SNAPC3: variants seen among roughly 807,000 people sequenced by gnomAD.
SNAPC3 encodes snRNA-activating protein complex subunit 3.
In SNAPC3, 56 loss-of-function variants were observed where a neutral mutation model predicts 47.7. The ratio of observed to expected loss-of-function variants is 1.18; its 90% CI spans 0.95 to 1.47. SNAPC3 has a LOEUF of 1.47. SNAPC3 is among the 40% of genes most tolerant of loss of function. SNAPC3 has a pLI of 0.00. For missense variants in SNAPC3, 665 were observed against 511.3 expected, an observed-to-expected ratio of 1.30 and a Z score of -2.90; for synonymous variants, 235 against 189.9, an observed-to-expected ratio of 1.24 and a Z score of -1.95.
chr9:15,465,702 G>T, downstream of SNAPC3: 3 of 728,660 alleles, frequency 4.1e-6, no homozygotes, highest in African/African-American at 1.8e-5. Flanking sequence ...CCAAACAAAA[G>T]AAAAACTTGA....
intron 2 of SNAPC3, among the ~76,000 whole-genome samples, chr9:15,425,674 C>A (rs758427431): frequency 1.6e-4 from 24 of 152,196 alleles, no homozygotes; most frequent in Non-Finnish European, 1.0e-4. Context: ...GTGTATTGTT[C>A]TCAAGCCTAC....
rs1312727111 is a variant in SNAPC3, at chr9:15,454,929, A to G, written c.980+1724A>G. Among the ~76,000 whole-genome samples the G allele has an allele frequency of 4.6e-5, 7 of 152,178 alleles. No individual in the cohort carries two copies. The East Asian group carries it at 1.3e-3, about 29-fold the overall frequency. Reference sequence around the variant, plus strand: ...AGCTTGGGTGACAGAGCAAGACTCCATATCAAAAAATAAATAAATAAGAAA... The same window carrying G: ...AGCTTGGGTGACAGAGCAAGACTCCGTATCAAAAAATAAATAAATAAGAAA... On this transcript the variant is annotated intron_variant, in intron 7 of 8. Transcript: ENST00000380821.
chr9:15,430,931 T>A (rs1217095389), intron 2 of SNAPC3, among the ~76,000 whole-genome samples: 4 of 152,186 alleles, frequency 2.6e-5, no homozygotes, highest in Non-Finnish European at 5.9e-5. Flanking sequence ...TCTTCAAATT[T>A]ACCTCTTTTT....
chr9:15,435,076 G>A (rs569517562), intron 3 of SNAPC3, among the ~76,000 whole-genome samples: 117 of 152,192 alleles, frequency 7.7e-4, no homozygotes, highest in African/African-American at 2.6e-3. Context: ...GTGAACATGT[G>A]TTTTCTAGCT....
intron 5 of SNAPC3, among the ~76,000 whole-genome samples, chr9:15,449,561 A>T (rs1369086957): frequency 0.019 from 831 of 43,170 alleles, 24 homozygotes; most frequent in South Asian, 0.026. Flanking sequence ...ATATATATAT[A>T]TATTTTTTTT....
At chr9:15,455,177 A>G (rs933810893) in intron 7 of SNAPC3, among the ~76,000 whole-genome samples, 28 of 152,154 alleles carry the variant, frequency 1.8e-4, no homozygotes, top group African/African-American at 6.5e-4. Context: ...AGGGAAGAAG[A>G]ATGGGGAGGC....
chr9:15,426,899 A>G (rs1014134018), intron 2 of SNAPC3, among the ~76,000 whole-genome samples: 45 of 152,228 alleles, frequency 3.0e-4, no homozygotes, highest in Non-Finnish European at 2.1e-4. Flanking sequence ...ATACATGACC[A>G]TTGTTAACCT....
intron 7 of SNAPC3, among the ~76,000 whole-genome samples, chr9:15,454,936 AAAAT>A (rs752856762): frequency 9.2e-5 from 14 of 152,254 alleles, no homozygotes; most frequent in South Asian, 6.2e-4. Context: ...TCCATATCAA[AAAAT>A]AAATAAATAA....
rs2034945194 is a variant in SNAPC3 at position 15,458,195 on chromosome 9, G to T, written c.1088+128G>T. 6 of 531,954 alleles carry T rather than the reference G, an allele frequency of 1.1e-5. No individual in the cohort carries two copies. In the South Asian group the frequency reaches 1.7e-4, roughly 15 times the overall value. The allele number at this position is 531,954 out of a possible 1,614,324, so 33.0% of individuals were successfully genotyped here. A position where few individuals can be genotyped will look rare whatever the true frequency, so the allele number is the denominator to read the frequency against. ...TAAATATGAAGTATCATCTAGTAGG[G>T]AAGTGCCAGAAAATCAATTTAGTGA... On this transcript the variant is annotated intron_variant, in intron 8 of 8. Transcript: ENST00000380821.
At chr9:15,441,317 G>T (rs1033192000) in intron 3 of SNAPC3, among the ~76,000 whole-genome samples, 2 of 141,064 alleles carry the variant, frequency 1.4e-5, no homozygotes, top group African/African-American at 5.3e-5. Context: ...AGAGACCTCC[G>T]TATTGTTTTC....
rs186584741 is a variant in SNAPC3, at chr9:15,456,575, G to C, written c.981-1385G>C. Reference sequence around the variant, plus strand: ...CTCAACCTCCTGGGCTGAAGTAGTCGTCTTCCCTCAGTCTTTCCCATAGCT... The same window carrying C: ...CTCAACCTCCTGGGCTGAAGTAGTCCTCTTCCCTCAGTCTTTCCCATAGCT... On this transcript the variant is annotated intron_variant, in intron 7 of 8. Transcript: ENST00000380821. Among the ~76,000 whole-genome samples the C allele has an allele frequency of 4.0e-5, 6 of 151,826 alleles. No individual in the cohort carries two copies. The East Asian group carries it at 9.7e-4, about 25-fold the overall frequency.
chr9:15,465,336 A>G (rs2035542841), downstream of SNAPC3: 1 of 555,670 alleles, frequency 1.8e-6, no homozygotes, highest in African/African-American at 2.0e-5. Flanking sequence ...TGTAGCTGTT[A>G]ATACTGCACA....
At chr9:15,442,267 T>C (rs1410435694) in intron 3 of SNAPC3, among the ~76,000 whole-genome samples, 6 of 131,162 alleles carry the variant, frequency 4.6e-5, no homozygotes, top group Admixed American at 7.4e-5. Context: ...ACCTCCCTCC[T>C]GGATGGGGCG....
chr9:15,445,655 C>A (rs1428860622), intron 4 of SNAPC3, among the ~76,000 whole-genome samples: 1 of 152,156 alleles, frequency 6.6e-6, no homozygotes, highest in Non-Finnish European at 1.5e-5. Flanking sequence ...TGATTAAGAT[C>A]TCAAATTGCT....
At position 15,422,946 on chromosome 9, in the gene SNAPC3, G is replaced by C. The variant is rs763918371; in HGVS notation, c.67G>C (p.Gly23Arg). Residue 23 changes from glycine (G) to arginine (R), a missense_variant, in exon 1 of 9, where the codon GGC becomes CGC. By Grantham distance (125) the Gly-to-Arg change is moderately radical. Coordinates refer to ENST00000380821, the MANE Select transcript of SNAPC3 (RefSeq NM_001039697.2). ...GGGTGGCAGGCAGGACCCAGTCTCC[G>C]GCAGTGGCGGCTGCAACTTTCCAGA... The part of the protein sequence containing the change: ...GVGGRQDPVS[G>R]SGGCNFPEYE... 3.3e-6 allele frequency: 5 copies of C among 1,531,862 alleles called. No individual in the cohort carries two copies. Among genetic ancestry groups the C allele is most frequent in the African/African-American group, 2.8e-5 (2 of 70,788 alleles). 94.9% of individuals were successfully genotyped at this position (1,531,862 alleles called of 1,614,324 possible). A position where few individuals can be genotyped will look rare whatever the true frequency, so the allele number is the denominator to read the frequency against.
intron 1 of SNAPC3, 83 bp downstream of exon 1, chr9:15,423,276 C>A (rs1325006537): frequency 1.5e-6 from 2 of 1,342,594 alleles, no homozygotes; most frequent in African/African-American, 1.5e-5. Flanking sequence ...GGACTCATCC[C>A]TGAGAAGGGC....
downstream of SNAPC3, chr9:15,465,135 CTA>C (rs1022859408): frequency 6.4e-5 from 15 of 234,100 alleles, no homozygotes; most frequent in East Asian, 6.2e-4. Flanking sequence ...TTTGTAAAAA[CTA>C]TGCACAAAAC....
chr9:15,437,541 A>G (rs958561343), intron 3 of SNAPC3, among the ~76,000 whole-genome samples: 4 of 144,674 alleles, frequency 2.8e-5, no homozygotes, highest in Admixed American at 2.1e-4. Context: ...CCCTGTTCCT[A>G]TTTTCTTTAG....
intron 2 of SNAPC3, 27 bp from the exon 3 acceptor site, chr9:15,433,525 T>A: frequency 7.1e-7 from 1 of 1,407,638 alleles, no homozygotes. Context: ...AACTTTGATT[T>A]TTTTTTTTCT....
Sources: gnomAD v4.1 joint callset for allele counts (sites outside exome capture counted in the v4.1 genomes callset) on GRCh38, gnomAD v4.1.1 for gene constraint, MANE v1.5 for transcripts, NCBI Gene and HGNC (gene_info 2026-07-23, HGNC 2026-07-21) for gene names.